CEP15: variants seen among roughly 807,000 people sequenced by gnomAD.
The protein encoded by CEP15 is centrosomal protein 15, also known as centrosomal protein 15 kDa.
chr3:62,324,800 C>T, the CEP15 span, among the ~76,000 whole-genome samples: 2 of 152,070 alleles, frequency 1.3e-5, no homozygotes, highest in Non-Finnish European at 2.9e-5. Flanking sequence ...AATAAGAGTA[C>T]AAAATATGGA....
chr3:62,331,884 A>G, the CEP15 span, among the ~76,000 whole-genome samples: 1 of 152,160 alleles, frequency 6.6e-6, no homozygotes. Context: ...GATGGTTAGC[A>G]AAAATAAACT....
the CEP15 span, chr3:62,322,061 T>G: frequency 6.2e-7 from 1 of 1,600,358 alleles, no homozygotes; most frequent in Non-Finnish European, 8.5e-7. This position sits in a 1 kb window ranked among gnomAD's most constrained non-coding sequence, Gnocchi z 5.5. Flanking sequence ...AAGGTAAGTT[T>G]CCATGACTTG....
At chr3:62,332,737 G>A in the CEP15 span, among the ~76,000 whole-genome samples, 5 of 151,978 alleles carry the variant, frequency 3.3e-5, no homozygotes, top group South Asian at 1.0e-3. Flanking sequence ...CACAATTAAG[G>A]GTCCAATATC....
chr3:62,331,999 T>C, the CEP15 span, among the ~76,000 whole-genome samples: 8 of 152,306 alleles, frequency 5.3e-5, no homozygotes, highest in African/African-American at 1.7e-4. Flanking sequence ...TTTTGCTTTC[T>C]CCCCAACTGG....
the CEP15 span, chr3:62,320,385 C>T: frequency 1.0e-5 from 11 of 1,048,012 alleles, no homozygotes; most frequent in African/African-American, 1.6e-4. Context: ...GATTAAGGTA[C>T]TAAAATAATC....
the CEP15 span, among the ~76,000 whole-genome samples, chr3:62,326,908 A>G: frequency 3.3e-5 from 5 of 152,234 alleles, no homozygotes; most frequent in African/African-American, 1.2e-4. Flanking sequence ...AAGCAAAATC[A>G]CAATACTATT....
the CEP15 span, among the ~76,000 whole-genome samples, chr3:62,324,783 T>C: frequency 6.6e-6 from 1 of 152,206 alleles, no homozygotes; most frequent in Admixed American, 6.5e-5. Flanking sequence ...CTTGAAAGCA[T>C]TTCTGTAATA....
At chr3:62,322,227 C>A in the CEP15 span, 1 of 578,074 alleles carries the variant, frequency 1.7e-6, no homozygotes, top group Non-Finnish European at 2.9e-6. This position sits in a 1 kb window ranked among gnomAD's most constrained non-coding sequence, Gnocchi z 5.5. Context: ...TATGTATCCT[C>A]ATTTTTTTAA....
the CEP15 span, chr3:62,331,219 C>T: frequency 3.4e-6 from 3 of 881,216 alleles, no homozygotes; most frequent in Non-Finnish European, 5.5e-6. Context: ...AGATTATATC[C>T]AGAGAAGAGT....
At chr3:62,330,059 T>G in the CEP15 span, among the ~76,000 whole-genome samples, 1 of 152,158 alleles carries the variant, frequency 6.6e-6, no homozygotes, top group African/African-American at 2.4e-5. Context: ...AATTCATGGC[T>G]TTTTTCCTTC....
At chr3:62,329,076 T>A in the CEP15 span, among the ~76,000 whole-genome samples, 1 of 152,126 alleles carries the variant, frequency 6.6e-6, no homozygotes, top group Non-Finnish European at 1.5e-5. Flanking sequence ...TAGGCATGCA[T>A]CATAGAGTAA....
chr3:62,331,072 T>G, the CEP15 span, among the ~76,000 whole-genome samples: 1 of 152,142 alleles, frequency 6.6e-6, no homozygotes. Context: ...TTACTAGCTA[T>G]TCAAAAGTGA....
chr3:62,325,416 A>G, the CEP15 span, among the ~76,000 whole-genome samples: 4 of 152,220 alleles, frequency 2.6e-5, no homozygotes, highest in Admixed American at 2.6e-4. Context: ...AATGTATTTT[A>G]AAAAGGAGCA....
the CEP15 span, among the ~76,000 whole-genome samples, chr3:62,332,309 G>A: frequency 6.6e-6 from 1 of 152,098 alleles, no homozygotes; most frequent in African/African-American, 2.4e-5. Flanking sequence ...ATGTCAGGCT[G>A]TTTCTCAGAC....
chr3:62,331,495 T>C, the CEP15 span: 1 of 1,065,460 alleles, frequency 9.4e-7, no homozygotes, highest in Non-Finnish European at 1.4e-6. Context: ...ATTTTCCAGA[T>C]ATATTTATTC....
At chr3:62,327,437 C>A in the CEP15 span, among the ~76,000 whole-genome samples, 1 of 152,052 alleles carries the variant, frequency 6.6e-6, no homozygotes, top group Middle Eastern at 3.4e-3. Flanking sequence ...TTTGCACTTA[C>A]AGCACATCTT....
the CEP15 span, among the ~76,000 whole-genome samples, chr3:62,323,034 A>G: frequency 6.6e-6 from 1 of 152,206 alleles, no homozygotes; most frequent in Non-Finnish European, 1.5e-5. Flanking sequence ...TTGCTCTGAA[A>G]AGTTAGAAAA....
chr3:62,319,434 T>A, the CEP15 span: 1 of 151,990 alleles, frequency 6.6e-6, no homozygotes, highest in African/African-American at 2.4e-5. Flanking sequence ...TATCTGTAAT[T>A]TAGACCCCGG....
the CEP15 span, chr3:62,322,151 C>T: frequency 1.6e-6 from 2 of 1,259,948 alleles, no homozygotes; most frequent in Non-Finnish European, 2.2e-6. The surrounding 1 kb of genome is among the most constrained non-coding windows in gnomAD (Gnocchi z 5.5). Flanking sequence ...TATTGGTTCT[C>T]AGTAATAAGT....
Sources: gnomAD v4.1 joint callset for allele counts (sites outside exome capture counted in the v4.1 genomes callset) on GRCh38, gnomAD v4.1.1 for gene constraint, Gnocchi (gnomAD v3.1) non-coding constraint, MANE v1.5 for transcripts, NCBI Gene and HGNC (gene_info 2026-07-23, HGNC 2026-07-21) for gene names.